CDKL5: variants seen among roughly 807,000 people sequenced by gnomAD.
CDKL5 encodes cyclin dependent kinase like 5, also known as cyclin-dependent kinase-like 5.
Under a neutral mutation model 61.7 loss-of-function variants are expected in CDKL5, and 8 were observed. The observed-to-expected ratio is 0.13, with a 90% CI of 0.08 to 0.23. The LOEUF (loss-of-function observed/expected upper bound fraction) is 0.23, where lower values mean the gene tolerates loss of function less well. CDKL5 is among the 10% of genes least tolerant of loss of function. The probability of loss-of-function intolerance (pLI) is 1.00; values close to 1 mark genes in which losing one functional copy is unlikely to be tolerated. For missense variants in CDKL5, 440 were observed against 734.5 expected (o/e 0.60, Z 4.63); for synonymous variants, 275 against 272.3 (o/e 1.01, Z -0.10).
At chrX:18,508,507 G>A (rs1191568502) in intron 2 of CDKL5, among the ~76,000 whole-genome samples, 1 of 111,242 alleles carries the variant, frequency 9.0e-6, no homozygotes, top group African/African-American at 3.3e-5. Flanking sequence ...AAAAGTATTA[G>A]AATTAGAGAC....
chrX:18,506,536 T>C (rs1193874967), intron 1 of CDKL5, among the ~76,000 whole-genome samples: 1 of 112,667 alleles, frequency 8.9e-6, no homozygotes, highest in African/African-American at 3.2e-5. Context: ...AATATTTACC[T>C]ATTTGCCCAA....
At chrX:18,567,447 A>G (rs908078102) in intron 4 of CDKL5, among the ~76,000 whole-genome samples, 3 of 112,083 alleles carry the variant, frequency 2.7e-5, no homozygotes, top group East Asian at 2.8e-4. Flanking sequence ...ATAACGAAAT[A>G]ATCCTGTAAA....
chrX:18,511,487 T>C (rs1922826210), intron 3 of CDKL5, among the ~76,000 whole-genome samples: 1 of 111,335 alleles, frequency 9.0e-6, no homozygotes, highest in African/African-American at 3.3e-5. Flanking sequence ...TATGATATGG[T>C]ATTTTTTGTT....
At chrX:18,600,872 A>G (rs1437035643) in intron 11 of CDKL5, among the ~76,000 whole-genome samples, 1 of 112,335 alleles carries the variant, frequency 8.9e-6, no homozygotes, top group Non-Finnish European at 1.9e-5. Flanking sequence ...TGAATATATT[A>G]AAGAAAAAGT....
intron 1 of CDKL5, among the ~76,000 whole-genome samples, chrX:18,469,494 C>T (rs763439237): frequency 9.4e-6 from 1 of 106,242 alleles, no homozygotes; most frequent in Non-Finnish European, 1.9e-5. Flanking sequence ...ACTAAAAATG[C>T]AAAATTAGCT....
Position 18,462,965 on chromosome X carries a change from A to C in CDKL5, c.-163+37270A>C, listed in dbSNP as rs1245112901. Among the ~76,000 whole-genome samples, 3 of 111,116 alleles carry C rather than the reference A, an allele frequency of 2.7e-5. No individual in the cohort carries two copies. In the East Asian group the frequency reaches 8.5e-4, roughly 31 times the overall value. On this transcript the variant is annotated intron_variant, in intron 1 of 17. Transcript: ENST00000623535. ...CTTGAACCCAGGAGGCGGAGGTTGC[A>C]GTGAGCCAAGATTGCGCCACTGCAC... is the stretch of plus-strand genomic sequence containing the variant.
chrX:18,522,524 T>C (rs1232904037), intron 3 of CDKL5, among the ~76,000 whole-genome samples: 1 of 107,711 alleles, frequency 9.3e-6, no homozygotes, highest in Non-Finnish European at 1.9e-5. Flanking sequence ...TTTATATTTT[T>C]AGTAGAGACA....
chrX:18,454,610 G>A (rs758562796), intron 1 of CDKL5, among the ~76,000 whole-genome samples: 68 of 110,390 alleles, frequency 6.2e-4, no homozygotes, highest in African/African-American at 2.0e-3. Flanking sequence ...AGGCTGGAGC[G>A]CAGTGGCGTG....
chrX:18,502,258 T>C lies in CDKL5; in HGVS notation c.-162-4677T>C, dbSNP rs139899634. On this transcript the variant is annotated intron_variant, in intron 1 of 17. Transcript: ENST00000623535. ...CATGAGGGTAAGGACCTTGCCTGTC[T>C]TGTTTACCACTATGTTGTGTGTCTT... Among the ~76,000 whole-genome samples the C allele has an allele frequency of 4.6e-3, 514 of 112,468 alleles. 4 individuals carry two copies. Among genetic ancestry groups the C allele is most frequent in the African/African-American group, 0.015 (467 of 30,990 alleles).
intron 10 of CDKL5, among the ~76,000 whole-genome samples, chrX:18,595,740 A>G (rs372277124): frequency 3.1e-4 from 35 of 112,465 alleles, no homozygotes; most frequent in East Asian, 1.4e-3. Context: ...CTTAAAATCA[A>G]TGTTGAAAGA....
intron 1 of CDKL5, among the ~76,000 whole-genome samples, chrX:18,478,454 C>CCT (rs1921408826): frequency 9.3e-6 from 1 of 107,832 alleles, no homozygotes; most frequent in African/African-American, 3.4e-5. Flanking sequence ...CCACACCTGG[C>CCT]TAATTTTTGT....
intron 1 of CDKL5, among the ~76,000 whole-genome samples, chrX:18,465,398 C>T (rs777383002): frequency 8.9e-6 from 1 of 111,842 alleles, no homozygotes; most frequent in Non-Finnish European, 1.9e-5. Context: ...GGCATGGTGG[C>T]TTATGCCTGT....
intron 2 of CDKL5, among the ~76,000 whole-genome samples, chrX:18,508,856 G>A (rs1602231459): frequency 9.1e-6 from 1 of 110,028 alleles, no homozygotes; most frequent in East Asian, 2.9e-4. Flanking sequence ...AGCACTTTGG[G>A]AGGCTGAGGT....
intron 21 of CDKL5, among the ~76,000 whole-genome samples, chrX:18,651,264 T>TGTGTGTGTGA (rs1491242962): frequency 1.4e-5 from 1 of 69,008 alleles, no homozygotes; most frequent in Non-Finnish European, 2.6e-5. Context: ...TGTGTGTGTG[T>TGTGTGTGTGA]GAGAGAGAGA....
In CDKL5 at chrX:18,653,057, G is replaced by C. The variant is rs142914969; in HGVS notation, c.2981-375G>C. Among the ~76,000 whole-genome samples, 343 of 112,260 alleles carry C rather than the reference G, an allele frequency of 3.1e-3. 3 individuals are homozygous for C. The highest frequency in any genetic ancestry group is 0.011 in the African/African-American group (329 of 30,981). ...AGTGTTATGCATAGATATTAGACTT[G>C]AATATATGTGACAATATAGTAGAGT... On this transcript the variant is annotated intron_variant, in intron 21 of 21. Transcript: ENST00000379989.
intron 16 of CDKL5, among the ~76,000 whole-genome samples, chrX:18,620,337 T>G (rs983671412): frequency 2.7e-5 from 3 of 112,668 alleles, no homozygotes; most frequent in Non-Finnish European, 5.6e-5. Flanking sequence ...GGTTTACTTT[T>G]AAATGTTGAA....
intron 10 of CDKL5, among the ~76,000 whole-genome samples, chrX:18,597,615 T>C (rs997938814): frequency 2.9e-5 from 3 of 102,066 alleles, no homozygotes; most frequent in Non-Finnish European, 4.0e-5. Flanking sequence ...TTTTTTTTTT[T>C]TGAGACAGAG....
At chrX:18,605,986 A>C (rs913234210) in intron 12 of CDKL5, among the ~76,000 whole-genome samples, 6 of 112,130 alleles carry the variant, frequency 5.4e-5, no homozygotes, top group Non-Finnish European at 1.1e-4. Flanking sequence ...GATCGAGACT[A>C]TCCTGGCCAA....
chrX:18,542,293 G>A (rs565966127), intron 3 of CDKL5, among the ~76,000 whole-genome samples: 1 of 111,614 alleles, frequency 9.0e-6, no homozygotes, highest in East Asian at 2.8e-4. Context: ...CACTCCCCAC[G>A]TTGGCCTCCA....
Sources: gnomAD v4.1 joint callset for allele counts (sites outside exome capture counted in the v4.1 genomes callset) on GRCh38, gnomAD v4.1.1 for gene constraint, MANE v1.5 for transcripts, NCBI Gene and HGNC (gene_info 2026-07-23, HGNC 2026-07-21) for gene names.